PAM: variants seen among roughly 807,000 people sequenced by gnomAD.
PAM encodes the protein peptidyl-glycine alpha-amidating monooxygenase.
In PAM, 72 loss-of-function variants were observed where a neutral mutation model predicts 122.1. The observed-to-expected ratio is 0.59, with a 90% CI of 0.49 to 0.72. PAM has a LOEUF of 0.72. Ranked by LOEUF, PAM falls within the 30% of genes least tolerant of loss-of-function variation. The pLI, the probability that PAM is intolerant of heterozygous loss-of-function variation, is 0.00. For synonymous variants in PAM, 389 were observed against 404.4 expected (o/e 0.96, Z 0.46); for missense variants, 1,106 against 1,183.7 (o/e 0.93, Z 0.96).
chr5:102,979,527 C>A (rs555763599), intron 15 of PAM, among the ~76,000 whole-genome samples: 24 of 150,124 alleles, frequency 1.6e-4, no homozygotes, highest in African/African-American at 5.8e-4. Flanking sequence ...TTGAAGTCTT[C>A]TAGTGATTTT....
At chr5:103,002,903 G>A (rs1777818365) in intron 16 of PAM, 130 bp from the exon 17 acceptor site, 2 of 637,304 alleles carry the variant, frequency 3.1e-6, no homozygotes, top group Non-Finnish European at 5.8e-6. Context: ...TGACTGAAAT[G>A]TGGCAGACAA....
chr5:102,864,012 G>C (rs1784848768), intron 1 of PAM, among the ~76,000 whole-genome samples: 1 of 151,030 alleles, frequency 6.6e-6, no homozygotes, highest in African/African-American at 2.4e-5. Flanking sequence ...TTTTTTCAAA[G>C]GCTAGTACTT....
chr5:102,770,449 A>C (rs147459905), intron 1 of PAM, among the ~76,000 whole-genome samples: 1 of 152,088 alleles, frequency 6.6e-6, no homozygotes, highest in Admixed American at 6.6e-5. Context: ...TAAAGATCTT[A>C]GAGGAAAGGC....
intron 12 of PAM, among the ~76,000 whole-genome samples, chr5:102,957,589 C>T (rs946803426): frequency 4.6e-5 from 7 of 151,614 alleles, no homozygotes; most frequent in Non-Finnish European, 1.0e-4. Flanking sequence ...AGTGCAGTGG[C>T]GTGAGATCTC....
At chr5:102,914,907 A>T (rs1272009109) in intron 5 of PAM, among the ~76,000 whole-genome samples, 2 of 152,112 alleles carry the variant, frequency 1.3e-5, no homozygotes, top group East Asian at 3.9e-4. Flanking sequence ...TGCCATAAAC[A>T]ATCAGTAAAC....
chr5:102,901,563 T>C, intron 4 of PAM, 150 bp downstream of exon 4: 1 of 607,770 alleles, frequency 1.6e-6, no homozygotes, highest in East Asian at 2.8e-5. Context: ...AGAAACAAAC[T>C]AGAGAGAGCC....
At chr5:102,868,084 A>G (rs1207840162) in intron 3 of PAM, among the ~76,000 whole-genome samples, 1 of 152,186 alleles carries the variant, frequency 6.6e-6, no homozygotes, top group Non-Finnish European at 1.5e-5. Flanking sequence ...CATTAAGCAT[A>G]AAAAGGCCAG....
intron 1 of PAM, among the ~76,000 whole-genome samples, chr5:102,856,595 T>C (rs1183544985): frequency 6.6e-6 from 1 of 152,222 alleles, no homozygotes; most frequent in East Asian, 1.9e-4. Flanking sequence ...TAATTAAGAA[T>C]TATATGTCTT....
intron 15 of PAM, among the ~76,000 whole-genome samples, chr5:102,987,080 A>C (rs957168451): frequency 6.6e-6 from 1 of 152,184 alleles, no homozygotes; most frequent in Non-Finnish European, 1.5e-5. Context: ...AAGTCAATCA[A>C]AGGGATAACT....
intron 1 of PAM, among the ~76,000 whole-genome samples, chr5:102,810,155 A>C (rs1467161372): frequency 6.6e-6 from 1 of 152,156 alleles, no homozygotes; most frequent in Non-Finnish European, 1.5e-5. Flanking sequence ...GGGTGACATA[A>C]TTTAATTTCT....
intron 1 of PAM, among the ~76,000 whole-genome samples, chr5:102,777,958 G>C (rs529025738): frequency 6.6e-6 from 1 of 152,084 alleles, no homozygotes; most frequent in Non-Finnish European, 1.5e-5. Flanking sequence ...GCCAAATTTC[G>C]GTTTGCCCTT....
intron 1 of PAM, among the ~76,000 whole-genome samples, chr5:102,806,432 C>G (rs1766246361): frequency 6.6e-6 from 1 of 152,226 alleles, no homozygotes; most frequent in Non-Finnish European, 1.5e-5. Flanking sequence ...TTGGAAGACT[C>G]TCCTTCAAAC....
chr5:102,771,821 C>T (rs761187861), intron 1 of PAM, among the ~76,000 whole-genome samples: 56 of 152,120 alleles, frequency 3.7e-4, no homozygotes, highest in Non-Finnish European at 6.3e-4. Flanking sequence ...CTTGGATCCC[C>T]CTGCCACCTA....
At chr5:102,975,256 G>C (rs569505709) in intron 15 of PAM, among the ~76,000 whole-genome samples, 1 of 152,310 alleles carries the variant, frequency 6.6e-6, no homozygotes, top group South Asian at 2.1e-4. Flanking sequence ...AGCTGTCCAT[G>C]TGTGGGTTGG....
intron 12 of PAM, among the ~76,000 whole-genome samples, chr5:102,952,807 C>T (rs941863477): frequency 8.5e-5 from 13 of 152,086 alleles, no homozygotes; most frequent in African/African-American, 2.2e-4. Flanking sequence ...TTTATGATGT[C>T]GGTTAAATTA....
chr5:102,945,660 C>G (rs1173962149), intron 7 of PAM, among the ~76,000 whole-genome samples: 1 of 151,816 alleles, frequency 6.6e-6, no homozygotes, highest in Admixed American at 6.6e-5. Flanking sequence ...CTCCCCCCCT[C>G]TCTCCTTTTT....
chr5:103,025,108 T>C, intron 23 of PAM, 23 bp from the exon 24 acceptor site: 1 of 1,567,024 alleles, frequency 6.4e-7, no homozygotes, highest in African/African-American at 1.4e-5. Context: ...AGTTGAATAT[T>C]GTGAACTCTT....
intron 7 of PAM, among the ~76,000 whole-genome samples, chr5:102,937,585 C>T (rs1561952917): frequency 6.6e-6 from 1 of 152,036 alleles, no homozygotes; most frequent in Non-Finnish European, 1.5e-5. Flanking sequence ...ATAAAGCACT[C>T]GTTTTTAAAA....
chr5:102,859,063 A>G (rs1442668061), intron 1 of PAM, among the ~76,000 whole-genome samples: 1 of 152,210 alleles, frequency 6.6e-6, no homozygotes, highest in Non-Finnish European at 1.5e-5. Flanking sequence ...ATAGTACGTA[A>G]TACTTGATAA....
Sources: allele counts gnomAD v4.1 joint callset (sites outside exome capture counted in the v4.1 genomes callset), GRCh38; gene constraint gnomAD v4.1.1; transcripts MANE v1.5; gene names NCBI Gene and HGNC (gene_info 2026-07-23, HGNC 2026-07-21).